TBC1D8: variants seen among roughly 807,000 people sequenced by gnomAD.
TBC1D8 encodes the protein BUB2-like protein 1.
In TBC1D8, 65 loss-of-function variants were observed where a neutral mutation model predicts 118.8. The ratio of observed to expected loss-of-function variants is 0.55; its 90% CI spans 0.45 to 0.67. The LOEUF (loss-of-function observed/expected upper bound fraction) is 0.67, where lower values mean the gene tolerates loss of function less well. Ranked by LOEUF, TBC1D8 falls within the 30% of genes least tolerant of loss-of-function variation. The pLI is 0.00. For synonymous variants in TBC1D8, 566 were observed against 595.8 expected, an observed-to-expected ratio of 0.95 and a Z score of 0.73; for missense variants, 1,376 against 1,471.2, an observed-to-expected ratio of 0.94 and a Z score of 1.06.
At chr2:101,036,352 C>T (rs948077204) in intron 8 of TBC1D8, among the ~76,000 whole-genome samples, 184 bp from the exon 9 acceptor site, 1 of 152,142 alleles carries the variant, frequency 6.6e-6, no homozygotes, top group Non-Finnish European at 1.5e-5. Flanking sequence ...ACAGAGGATG[C>T]AAAGATGAAT....
At chr2:101,098,822 A>T (rs1029060002) in intron 1 of TBC1D8, among the ~76,000 whole-genome samples, 2 of 152,180 alleles carry the variant, frequency 1.3e-5, no homozygotes, top group Non-Finnish European at 2.9e-5. Flanking sequence ...AATGAGAACA[A>T]AAAGACAACG....
At chr2:101,077,271 C>T (rs1428771039) in intron 2 of TBC1D8, among the ~76,000 whole-genome samples, 1 of 129,900 alleles carries the variant, frequency 7.7e-6, no homozygotes, top group African/African-American at 2.9e-5. Context: ...GATCGACCCA[C>T]CTCGGCCTCC....
intron 1 of TBC1D8, among the ~76,000 whole-genome samples, chr2:101,110,830 C>G (rs188155488): frequency 6.6e-6 from 1 of 151,872 alleles, no homozygotes; most frequent in Non-Finnish European, 1.5e-5. Flanking sequence ...AAAAATTAGC[C>G]GGGCAGGGTG....
At chr2:101,026,368 A>G (rs572960179) in intron 15 of TBC1D8, among the ~76,000 whole-genome samples, 4 of 152,218 alleles carry the variant, frequency 2.6e-5, no homozygotes, top group Non-Finnish European at 5.9e-5. Context: ...CAACAAAGGA[A>G]ACAATAAAAC....
chr2:101,059,402 T>G lies in TBC1D8; in HGVS notation c.402+19A>C. The G allele has an allele frequency of 8.9e-6, 14 of 1,569,006 alleles. No homozygotes were observed. The highest frequency in any genetic ancestry group is 1.2e-5 in the Non-Finnish European group (14 of 1,139,416). ...AAAGATGGAAAGATGGGGAGAAACA[T>G]GAAACTCAGGGGACCTACCTTTACC... On this transcript the variant is annotated intron_variant, in intron 3 of 19. Transcript: ENST00000409318.
At chr2:101,074,352 T>C (rs1333250269) in intron 2 of TBC1D8, among the ~76,000 whole-genome samples, 4 of 152,124 alleles carry the variant, frequency 2.6e-5, no homozygotes, top group Non-Finnish European at 4.4e-5. Context: ...TGATAACAGA[T>C]CACCATTAAC....
At chr2:101,015,429 C>T (rs920212197) in intron 17 of TBC1D8, among the ~76,000 whole-genome samples, 1 of 152,246 alleles carries the variant, frequency 6.6e-6, no homozygotes, top group East Asian at 1.9e-4. Context: ...TCTTCTTCAT[C>T]TTCAATAATA....
In TBC1D8 at chr2:101,007,687, G is replaced by T; in HGVS notation, c.*134C>A. 1.1e-6 allele frequency: 1 copy of T among 900,180 alleles called. No homozygotes were observed. The highest frequency in any genetic ancestry group is 1.7e-6 in the Non-Finnish European group (1 of 585,288). 55.8% of individuals were successfully genotyped at this position (900,180 alleles called of 1,614,324 possible). On this transcript the variant is annotated 3_prime_UTR_variant, in exon 20 of 20. Coordinates refer to ENST00000409318, the MANE Select transcript of TBC1D8 (RefSeq NM_001330348.2). Reference sequence around the variant, plus strand: ...GGTTGTGTCGGTTCCCCTGGCCACAGTTTGTCAGGTTGTTTAGCCAGATGC... The same window carrying T: ...GGTTGTGTCGGTTCCCCTGGCCACATTTTGTCAGGTTGTTTAGCCAGATGC...
chr2:101,141,553 A>T (rs1328368730), intron 1 of TBC1D8, among the ~76,000 whole-genome samples: 1 of 152,184 alleles, frequency 6.6e-6, no homozygotes, highest in Non-Finnish European at 1.5e-5. Flanking sequence ...CCATCATCTT[A>T]GAGATTCCCC....
chr2:101,119,700 C>CT (rs1678014607), intron 1 of TBC1D8, among the ~76,000 whole-genome samples: 1 of 152,222 alleles, frequency 6.6e-6, no homozygotes, highest in Admixed American at 6.5e-5. Flanking sequence ...CTTGTTCCCT[C>CT]TTCCCTAAGG....
rs70943064 is a variant in TBC1D8, at chr2:101,122,383, C to CAAAAAAAA, written c.127+28736_127+28743dup. Among the ~76,000 whole-genome samples, 63 of 71,930 alleles carry CAAAAAAAA rather than the reference C, an allele frequency of 8.8e-4. 8 individuals carry two copies. Among genetic ancestry groups the CAAAAAAAA allele is most frequent in the African/African-American group, 1.5e-3 (34 of 22,566 alleles). 47.2% of individuals were successfully genotyped at this position (71,930 alleles called of 152,430 possible). A position where few individuals can be genotyped will look rare whatever the true frequency, so the allele number is the denominator to read the frequency against. On this transcript the variant is annotated intron_variant, in intron 1 of 19. Transcript: ENST00000409318. ...ACCGCGCCCGGCCAAGACTCCATTT[C>CAAAAAAAA]AAAAAAAAAAAAAAAAAAAAAAAAA...
rs372018110 is a variant in TBC1D8, at chr2:101,033,652, G to T, written c.1710C>A (p.His570Gln). The T allele has an allele frequency of 3.1e-6, 5 of 1,613,992 alleles. No homozygotes were observed. Among genetic ancestry groups the T allele is most frequent in the Non-Finnish European group, 4.2e-6 (5 of 1,179,892 alleles). ...AGGCGGGGTGCTCTGGCAGGGAGCG[G>T]TGCAGGTCTCGTTCTATCTCCTCGG... ...LVTEEIERDLHRSLPEHPAFQ... is the reference protein window; with the variant it reads ...LVTEEIERDLQRSLPEHPAFQ... The change falls in exon 10 of 20, where the codon CAC becomes CAA. Residue 570 changes from histidine (H) to glutamine (Q), a missense_variant. Transcript: ENST00000409318.
At chr2:101,099,037 A>G (rs1676654852) in intron 1 of TBC1D8, among the ~76,000 whole-genome samples, 2 of 149,240 alleles carry the variant, frequency 1.3e-5, no homozygotes, top group South Asian at 4.2e-4. Flanking sequence ...GGAGATAGAG[A>G]CACGAAAAAC....
chr2:101,119,896 A>T (rs759056767), intron 1 of TBC1D8, among the ~76,000 whole-genome samples: 2 of 152,182 alleles, frequency 1.3e-5, no homozygotes, highest in Non-Finnish European at 2.9e-5. Context: ...CAAATATTCC[A>T]GCCTTAGCTC....
rs543917594 is a variant in TBC1D8 at position 101,009,776 on chromosome 2, C to T, written c.3015+1153G>A. Among the ~76,000 whole-genome samples the T allele has an allele frequency of 1.8e-4, 28 of 151,544 alleles. No homozygotes were observed. In the East Asian group the frequency reaches 4.8e-3, roughly 26 times the overall value. Reference sequence around the variant, plus strand: ...ATGCTAAATTCTACTCTTGAAGGGTCGTAGTCCACAGCACCAAAATGACTT... The same window carrying T: ...ATGCTAAATTCTACTCTTGAAGGGTTGTAGTCCACAGCACCAAAATGACTT... On this transcript the variant is annotated intron_variant, in intron 19 of 19. Coordinates refer to ENST00000409318, the MANE Select transcript of TBC1D8 (RefSeq NM_001330348.2).
chr2:101,009,821 C>CATTT lies in TBC1D8; in HGVS notation c.3015+1107_3015+1108insAAAT, dbSNP rs144990163. On this transcript the variant is annotated intron_variant, in intron 19 of 19. Transcript: ENST00000409318. ...TGACTTAAGTCCTATAAAAAAGGAG[C>CATTT]TTTTTCTTTTTTTTTTTTGAGATGG... Among the ~76,000 whole-genome samples, 11 of 134,192 alleles carry CATTT rather than the reference C, an allele frequency of 8.2e-5. 2 individuals carry two copies. Among genetic ancestry groups the CATTT allele is most frequent in the Non-Finnish European group, 6.6e-5 (4 of 60,872 alleles). The allele number at this position is 134,192 out of a possible 152,430, so 88.0% of individuals were successfully genotyped here. A position where few individuals can be genotyped will look rare whatever the true frequency, so the allele number is the denominator to read the frequency against.
At chr2:101,118,498 C>T (rs574971833) in intron 1 of TBC1D8, among the ~76,000 whole-genome samples, 21 of 150,338 alleles carry the variant, frequency 1.4e-4, no homozygotes, top group South Asian at 8.4e-4. Context: ...AGATCGAGAC[C>T]ATCCTGGCTA....
chr2:101,013,443 T>C (rs922401380), intron 17 of TBC1D8, among the ~76,000 whole-genome samples: 6 of 152,250 alleles, frequency 3.9e-5, no homozygotes. Context: ...TTCAAGCGTC[T>C]AAATGGATTG....
At chr2:101,076,682 CTG>C (rs1407505710) in intron 2 of TBC1D8, among the ~76,000 whole-genome samples, 1 of 152,222 alleles carries the variant, frequency 6.6e-6, no homozygotes, top group Non-Finnish European at 1.5e-5. Context: ...AGGGCTGAAA[CTG>C]TGAAACTGCC....
Sources: gnomAD v4.1 joint callset for allele counts (sites outside exome capture counted in the v4.1 genomes callset) on GRCh38, gnomAD v4.1.1 for gene constraint, MANE v1.5 for transcripts, NCBI Gene and HGNC (gene_info 2026-07-23, HGNC 2026-07-21) for gene names.